Variants in PTCH1 observed in about 807,000 individuals in gnomAD.
PTCH1 encodes the protein protein patched homolog 1.
PTCH1 carries 14 observed loss-of-function variants against 144.6 expected under a neutral mutation model. That is an observed-to-expected ratio of 0.10 (90% CI 0.06 to 0.15). The LOEUF is 0.15. PTCH1 is among the 10% of genes least tolerant of loss of function. The pLI is 1.00. For synonymous variants in PTCH1, 833 were observed against 793.6 expected (o/e 1.05, Z -0.83); for missense variants, 1,623 against 1,948.3 (o/e 0.83, Z 3.14).
chr9:95,487,296 A>C (rs973681542), intron 2 of PTCH1, among the ~76,000 whole-genome samples: 4 of 152,204 alleles, frequency 2.6e-5, no homozygotes, highest in African/African-American at 9.6e-5. Context: ...GGAATATATC[A>C]GTTGGTTAAT....
At chr9:95,490,755 G>A (rs1842339537) in intron 2 of PTCH1, among the ~76,000 whole-genome samples, 1 of 152,146 alleles carries the variant, frequency 6.6e-6, no homozygotes, top group African/African-American at 2.4e-5. Flanking sequence ...GGGTTAATGA[G>A]TACCAACATA....
At position 95,447,272 on chromosome 9, in the gene PTCH1, T is replaced by C. The variant is rs1394160194; in HGVS notation, c.3984A>G (p.Glu1328=). The change falls in exon 23 of 24, where the codon GAA becomes GAG. Residue 1328 remains glutamate, a synonymous_variant. Coordinates refer to ENST00000331920, the MANE Select transcript of PTCH1 (RefSeq NM_000264.5). ...CCCTATTGCTAGGGCCAGAATGCCC[T>C]TCAGTAGAAATTTCAAAAGCGTCTC... ...PRRDAFEIST[E]GHSGPSNRAR... The C allele has an allele frequency of 6.2e-7, 1 of 1,612,936 alleles. No homozygotes were observed. Among genetic ancestry groups the C allele is most frequent in the South Asian group, 1.1e-5 (1 of 91,082 alleles).
At chr9:95,495,295 G>T in intron 2 of PTCH1, 1 of 152,334 alleles carries the variant, frequency 6.6e-6, no homozygotes. Context: ...GGGTGGAGGT[G>T]GGGGCGTGGC....
rs374925544 is a variant in PTCH1 at position 95,449,813 on chromosome 9, C to A, written c.3549+28G>T. On this transcript the variant is annotated intron_variant, in intron 21 of 23. Coordinates refer to ENST00000331920, the MANE Select transcript of PTCH1 (RefSeq NM_000264.5). The surrounding 1 kb of genome is among the most constrained non-coding windows in gnomAD (Gnocchi z 5.3). The stretch of plus-strand genomic sequence containing the variant: ...AAACACAGCATTCAGCCGGCCTACA[C>A]GTGGGACATCCCCGTGTCACTACTG... 2 of 1,578,388 alleles carry A rather than the reference C, an allele frequency of 1.3e-6. No homozygotes were observed. Among genetic ancestry groups the A allele is most frequent in the Non-Finnish European group, 8.7e-7 (1 of 1,147,816 alleles).
intron 23 of PTCH1, chr9:95,446,608 C>T: frequency 2.0e-6 from 1 of 507,164 alleles, no homozygotes; most frequent in Non-Finnish European, 3.6e-6. Flanking sequence ...CTGTGGCATG[C>T]ACCTCCATAA....
chr9:95,480,431 G>A lies in PTCH1; in HGVS notation c.904C>T (p.Pro302Ser), dbSNP rs1197814180. 1 of 1,611,246 alleles carries A rather than the reference G, an allele frequency of 6.2e-7. No individual in the cohort carries two copies. The highest frequency in any genetic ancestry group is 8.5e-7 in the Non-Finnish European group (1 of 1,179,624). ...TTGGGGGCTGTGGCGGGGCAGTCTG[G>A]ATCGGCCGGATTGAGGCAGGGGCGG... is the stretch of plus-strand genomic sequence containing the variant. ...MDRPCLNPAD[P>S]DCPATAPNKN... Residue 302 changes from proline (P) to serine (S), a missense_variant, in exon 6 of 24, where the codon CCA becomes TCA. This residue lies in a region of PTCH1 where 230 missense variants were observed against 271.0 expected (regional missense o/e 0.85). Coordinates refer to ENST00000331920, the MANE Select transcript of PTCH1 (RefSeq NM_000264.5).
chr9:95,510,147 T>A (rs76719894), upstream of PTCH1, among the ~76,000 whole-genome samples: 31 of 151,820 alleles, frequency 2.0e-4, no homozygotes, highest in Non-Finnish European at 3.7e-4. Context: ...CAACAGAATC[T>A]TTTTTTACAA....
chr9:95,510,965 C>T (rs1450634265), upstream of PTCH1, among the ~76,000 whole-genome samples: 2 of 150,252 alleles, frequency 1.3e-5, no homozygotes, highest in Non-Finnish European at 3.0e-5. Context: ...CCCGAGAGCC[C>T]AGGCGAGGCG....
rs201118857 is a variant in PTCH1 at position 95,459,653 on chromosome 9, C to T, written c.2834G>A (p.Arg945Gln). The change falls in exon 17 of 24, where the codon CGA becomes CAA. Residue 945 changes from arginine (R) to glutamine (Q), a missense_variant. Arg to Gln is a conservative substitution (Grantham distance 43). This residue lies in a region of PTCH1 where 504 missense variants were observed against 679.3 expected (regional missense o/e 0.74). Coordinates refer to ENST00000331920, the MANE Select transcript of PTCH1 (RefSeq NM_000264.5). ...GGCTTTGTCGTGGACCCATTCTGGTCGGTGTGGCCGGATGTTGGCCTGGGA... is the reference window on the plus strand; with the variant it reads ...GGCTTTGTCGTGGACCCATTCTGGTTGGTGTGGCCGGATGTTGGCCTGGGA... Reference protein sequence around the residue: ...AASQANIRPHRPEWVHDKADY... With the variant: ...AASQANIRPHQPEWVHDKADY... 25 of 1,614,020 alleles carry T rather than the reference C, an allele frequency of 1.5e-5. No individual in the cohort carries two copies. The highest frequency in any genetic ancestry group is 5.3e-5 in the African/African-American group (4 of 74,902).
At chr9:95,460,097 T>C in intron 16 of PTCH1, 2 of 420,792 alleles carry the variant, frequency 4.8e-6, no homozygotes, top group Non-Finnish European at 8.9e-6. Context: ...TGGAGAAACA[T>C]ATTTATAGGA....
intron 1 of PTCH1, among the ~76,000 whole-genome samples, chr9:95,516,268 C>T (rs1844359629): frequency 6.8e-6 from 1 of 146,858 alleles, no homozygotes; most frequent in East Asian, 2.0e-4. Flanking sequence ...AGGCGCGGGA[C>T]CCGCGCTCCC....
At chr9:95,453,705 C>A in intron 19 of PTCH1, 85 bp from the exon 20 acceptor site, 2 of 1,555,592 alleles carry the variant, frequency 1.3e-6, no homozygotes, top group Non-Finnish European at 1.8e-6. Flanking sequence ...TACAAGCTCT[C>A]AGAACTGCTC....
chr9:95,448,926 T>C, intron 22 of PTCH1, 143 bp downstream of exon 22: 2 of 1,163,106 alleles, frequency 1.7e-6, no homozygotes, highest in South Asian at 1.5e-5. Flanking sequence ...TTATTTCCTA[T>C]GATTTGACCT....
chr9:95,505,884 C>A (rs1329931693), intron 2 of PTCH1, among the ~76,000 whole-genome samples: 1 of 148,970 alleles, frequency 6.7e-6, no homozygotes, highest in East Asian at 1.9e-4. Flanking sequence ...GCGCTGCGCC[C>A]GCCCCCGGCC....
intron 2 of PTCH1, 98 bp downstream of exon 2, chr9:95,506,309 G>C (rs1401179253): frequency 7.2e-7 from 1 of 1,389,212 alleles, no homozygotes; most frequent in East Asian, 2.5e-5. Context: ...GGGTTTCGCC[G>C]GCCGCAGCCA....
intron 2 of PTCH1, among the ~76,000 whole-genome samples, chr9:95,494,603 T>G (rs1842668129): frequency 6.6e-6 from 1 of 152,154 alleles, no homozygotes; most frequent in African/African-American, 2.4e-5. Flanking sequence ...GGCAGGCAGA[T>G]GCACACCCAG....
intron 16 of PTCH1, among the ~76,000 whole-genome samples, chr9:95,461,199 C>T (rs1349055500): frequency 6.6e-6 from 1 of 152,052 alleles, no homozygotes; most frequent in African/African-American, 2.4e-5. Flanking sequence ...CAAATGGCAG[C>T]AAGAAGATGC....
At position 95,458,289 on chromosome 9, in the gene PTCH1, C is replaced by A; in HGVS notation, c.2892G>T (p.Pro964=). Residue 964 remains proline, a synonymous_variant, in exon 18 of 24, where the codon CCG becomes CCT. Transcript: ENST00000331920. The surrounding 1 kb of genome is among the most constrained non-coding windows in gnomAD (Gnocchi z 4.7). ...GGGCATACTCGATGGGCTCTGCTGCCGGGACTGGACAGAGAAGGGCACAGG... is the reference window on the plus strand; with the variant it reads ...GGGCATACTCGATGGGCTCTGCTGCAGGGACTGGACAGAGAAGGGCACAGG... ...DYMPETRLRI[P]AAEPIEYAQF... is the part of the protein sequence containing the mutation. The A allele has an allele frequency of 6.2e-7, 1 of 1,613,230 alleles. No homozygotes were observed. The highest frequency in any genetic ancestry group is 8.5e-7 in the Non-Finnish European group (1 of 1,179,910).
chr9:95,466,077 C>T (rs183198216), intron 15 of PTCH1, among the ~76,000 whole-genome samples: 29 of 152,240 alleles, frequency 1.9e-4, no homozygotes, highest in African/African-American at 6.0e-4. Flanking sequence ...GATGGAGTCT[C>T]GCTCTTGTCG....
Sources: gnomAD v4.1 joint callset for allele counts (sites outside exome capture counted in the v4.1 genomes callset) on GRCh38, gnomAD v4.1.1 for gene constraint, gnomAD v4.1.1 regional missense constraint, Gnocchi (gnomAD v3.1) non-coding constraint, MANE v1.5 for transcripts, NCBI Gene and HGNC (gene_info 2026-07-23, HGNC 2026-07-21) for gene names.